NIPA2: variants seen among roughly 807,000 people sequenced by gnomAD.
NIPA2 encodes the protein NIPA magnesium transporter 2.
A neutral mutation model predicts 29.7 loss-of-function variants in NIPA2; 11 were observed. That is an observed-to-expected ratio of 0.37 (90% CI 0.23 to 0.61). The LOEUF (loss-of-function observed/expected upper bound fraction) is 0.61, where lower values mean the gene tolerates loss of function less well. Ranked by LOEUF, NIPA2 falls within the 20% of genes least tolerant of loss-of-function variation. The pLI, the probability that NIPA2 is intolerant of heterozygous loss-of-function variation, is 0.66. For synonymous variants in NIPA2, 183 were observed against 161.9 expected (o/e 1.13, Z -0.99); for missense variants, 426 against 437.9 (o/e 0.97, Z 0.24).
intron 7 of NIPA2, among the ~76,000 whole-genome samples, chr15:22,864,646 CCTT>C (rs1164187302): frequency 1.3e-5 from 2 of 152,184 alleles, no homozygotes; most frequent in Non-Finnish European, 2.9e-5. Context: ...GCAGGAGTCT[CCTT>C]GTTTCTTGAA....
At chr15:22,848,932 G>C (rs1402052925) in intron 3 of NIPA2, among the ~76,000 whole-genome samples, 1 of 151,400 alleles carries the variant, frequency 6.6e-6, no homozygotes, top group Non-Finnish European at 1.5e-5. Context: ...TATGTGCATA[G>C]GCTAAAAGGG....
intron 5 of NIPA2, among the ~76,000 whole-genome samples, chr15:22,853,627 T>C (rs1415415476): frequency 5.9e-5 from 9 of 152,038 alleles, no homozygotes; most frequent in Admixed American, 5.9e-4. Flanking sequence ...TCACCTGCCT[T>C]GCCCTCGCAA....
intron 7 of NIPA2, among the ~76,000 whole-genome samples, chr15:22,865,351 TGGC>T (rs2058935374): frequency 6.6e-6 from 1 of 151,830 alleles, no homozygotes; most frequent in South Asian, 2.1e-4. Context: ...CTGGGCGTGT[TGGC>T]GGGCACCTGT....
chr15:22,840,290 G>GT (rs59421708), intron 2 of NIPA2, among the ~76,000 whole-genome samples: 12,545 of 137,642 alleles, frequency 0.091, 898 homozygotes, highest in African/African-American at 0.2. Flanking sequence ...TCTATATATA[G>GT]TTTTTTTTTT....
At chr15:22,847,866 C>T (rs1438505882) in intron 3 of NIPA2, among the ~76,000 whole-genome samples, 2 of 152,056 alleles carry the variant, frequency 1.3e-5, no homozygotes, top group Non-Finnish European at 2.9e-5. Context: ...GGCACTATCT[C>T]AACTCACCAC....
At position 22,868,297 on chromosome 15, in the gene NIPA2, T is replaced by C. The variant is rs1279328189; in HGVS notation, c.*1450T>C. ...ATACTGTACCTACATCTGTGCTTTGTACATAAAAGAACCAGTTTTCTCCCC... is the reference window on the plus strand; with the variant it reads ...ATACTGTACCTACATCTGTGCTTTGCACATAAAAGAACCAGTTTTCTCCCC... On this transcript the variant is annotated 3_prime_UTR_variant, in exon 8 of 8. Coordinates refer to ENST00000337451, the MANE Select transcript of NIPA2 (RefSeq NM_030922.7). The C allele has an allele frequency of 6.6e-6, 1 of 152,236 alleles. No homozygotes were observed. The highest frequency in any genetic ancestry group is 1.5e-5 in the Non-Finnish European group (1 of 68,044). The allele number at this position is 152,236 out of a possible 1,614,324, so 9.4% of individuals were successfully genotyped here.
At chr15:22,864,884 G>C (rs749275933) in intron 7 of NIPA2, among the ~76,000 whole-genome samples, 4 of 151,824 alleles carry the variant, frequency 2.6e-5, no homozygotes, top group Non-Finnish European at 5.9e-5. Flanking sequence ...TTTTTCTTGA[G>C]ACAGTCTCAC....
chr15:22,842,129 A>C (rs1897251038), intron 2 of NIPA2, among the ~76,000 whole-genome samples: 2 of 152,198 alleles, frequency 1.3e-5, no homozygotes, highest in African/African-American at 4.8e-5. Context: ...CTCTAGCAGG[A>C]GATAACCCCA....
rs759658875 is a variant in NIPA2, at chr15:22,851,695, A to C, written c.-37A>C. 1.2e-5 allele frequency: 19 copies of C among 1,576,286 alleles called. No individual in the cohort carries two copies. In the Admixed American group the frequency reaches 3.0e-4, roughly 25 times the overall value. ...CCAGCGGTTTCTCTGTTCTGTGATC[A>C]ATGTGATTCACAGGAACTCCTTAAG... On this transcript the variant is annotated 5_prime_UTR_variant, in exon 4 of 8. Coordinates refer to ENST00000337451, the MANE Select transcript of NIPA2 (RefSeq NM_030922.7).
chr15:22,843,455 G>A (rs60658955), intron 2 of NIPA2, among the ~76,000 whole-genome samples: 1 of 149,870 alleles, frequency 6.7e-6, no homozygotes, highest in Admixed American at 6.6e-5. Context: ...GCAGTGAGCC[G>A]AGATAGCGCC....
chr15:22,843,610 T>G (rs1897754628), intron 2 of NIPA2, among the ~76,000 whole-genome samples: 1 of 152,086 alleles, frequency 6.6e-6, no homozygotes, highest in South Asian at 2.1e-4. Flanking sequence ...GTGAAAAGTT[T>G]AAGGCTGTCT....
At chr15:22,858,918 C>T (rs1206864215) in intron 6 of NIPA2, among the ~76,000 whole-genome samples, 1 of 152,160 alleles carries the variant, frequency 6.6e-6, no homozygotes, top group African/African-American at 2.4e-5. Context: ...TGGCTCATGC[C>T]TGTAATCCCA....
At chr15:22,848,851 A>AAG (rs2057489180) in intron 3 of NIPA2, among the ~76,000 whole-genome samples, 1 of 148,102 alleles carries the variant, frequency 6.8e-6, no homozygotes, top group Non-Finnish European at 1.5e-5. Context: ...AAAAAAAAAA[A>AAG]GAATTACTCC....
At position 22,849,823 on chromosome 15, in the gene NIPA2, A is replaced by G. The variant is rs572998040; in HGVS notation, c.-93-1816A>G. Among the ~76,000 whole-genome samples the G allele has an allele frequency of 2.2e-4, 34 of 151,848 alleles. No individual in the cohort carries two copies. The South Asian group carries it at 6.9e-3, about 31-fold the overall frequency. On this transcript the variant is annotated intron_variant, in intron 3 of 7. Coordinates refer to ENST00000337451, the MANE Select transcript of NIPA2 (RefSeq NM_030922.7). ...GTGATCCACCAGCCTCAGCCTCCCA[A>G]AGTGCTGGGATTACATGTGTGAGCC...
At chr15:22,839,865 TAA>T (rs1320376820) in intron 2 of NIPA2, 75 bp downstream of exon 2, 1 of 152,202 alleles carries the variant, frequency 6.6e-6, no homozygotes, top group Non-Finnish European at 1.5e-5. Context: ...GTAATATTTA[TAA>T]GTACAGTACT....
chr15:22,845,085 T>C (rs1898234260), intron 2 of NIPA2, 61 bp from the exon 3 acceptor site: 1 of 152,168 alleles, frequency 6.6e-6, no homozygotes, highest in African/African-American at 2.4e-5. Context: ...TGTTTATCTG[T>C]CTTTAATACT....
chr15:22,841,744 T>A (rs1897147120), intron 2 of NIPA2, among the ~76,000 whole-genome samples: 1 of 152,112 alleles, frequency 6.6e-6, no homozygotes, highest in African/African-American at 2.4e-5. Flanking sequence ...CCTGACCTCA[T>A]GATCCACCCG....
At position 22,866,883 on chromosome 15, in the gene NIPA2, T is replaced by TGAA; in HGVS notation, c.*38_*40dup. 6.6e-7 allele frequency: 1 copy of TGAA among 1,519,414 alleles called. No individual in the cohort carries two copies. Among genetic ancestry groups the TGAA allele is most frequent in the Non-Finnish European group, 8.8e-7 (1 of 1,129,972 alleles). The allele number at this position is 1,519,414 out of a possible 1,614,324, so 94.1% of individuals were successfully genotyped here. A position where few individuals can be genotyped will look rare whatever the true frequency, so the allele number is the denominator to read the frequency against. The stretch of plus-strand genomic sequence containing the variant: ...ATTAAAGGTTAATCTGTGATTGTTA[T>TGAA]GAAGTGAATTTGAATATCATCAGAA... On this transcript the variant is annotated 3_prime_UTR_variant, in exon 8 of 8. Transcript: ENST00000337451.
At chr15:22,843,363 A>G (rs1222577802) in intron 2 of NIPA2, among the ~76,000 whole-genome samples, 23 of 150,342 alleles carry the variant, frequency 1.5e-4, no homozygotes, top group Non-Finnish European at 5.9e-5. Context: ...AAAATTAGCC[A>G]TGCATGGTGG....
Sources: gnomAD v4.1 joint callset for allele counts (sites outside exome capture counted in the v4.1 genomes callset) on GRCh38, gnomAD v4.1.1 for gene constraint, MANE v1.5 for transcripts, NCBI Gene and HGNC (gene_info 2026-07-23, HGNC 2026-07-21) for gene names.